The following ZNF736 variants were observed in gnomAD, a reference collection of about 807,000 sequenced individuals.
The protein encoded by ZNF736 is zinc finger protein 736.
A neutral mutation model predicts 11.7 loss-of-function variants in ZNF736; 6 were observed. The ratio of observed to expected loss-of-function variants is 0.51; its 90% CI spans 0.28 to 1.01. The LOEUF is 1.01. Among genes scored for constraint, ZNF736 ranks in the 50% least tolerant of loss-of-function variants. The probability of loss-of-function intolerance (pLI) is 0.09; values close to 1 mark genes in which losing one functional copy is unlikely to be tolerated. For missense variants in ZNF736, 444 were observed against 496.0 expected (o/e 0.90, Z 1.00); for synonymous variants, 139 against 164.7 (o/e 0.84, Z 1.19).
At position 64,339,790 on chromosome 7, in the gene ZNF736, ATTTT is replaced by A. The variant is rs1789311088; in HGVS notation, c.226+2809_226+2812del. ...CAGTGTTTCTTGTAATTCCATATAAATTTTAAGATTGAATTTTCTATTACTTCGA... is the reference window on the plus strand; with the variant it reads ...CAGTGTTTCTTGTAATTCCATATAAAAAGATTGAATTTTCTATTACTTCGA... On this transcript the variant is annotated intron_variant, in intron 3 of 3. Transcript: ENST00000423484. Among the ~76,000 whole-genome samples, 10 of 136,292 alleles carry A rather than the reference ATTTT, an allele frequency of 7.3e-5. 3 individuals are homozygous for A. The highest frequency in any genetic ancestry group is 4.9e-4 in the South Asian group (2 of 4,086). The allele number at this position is 136,292 out of a possible 152,430, so 89.4% of individuals were successfully genotyped here.
intron 3 of ZNF736, among the ~76,000 whole-genome samples, chr7:64,343,914 T>G (rs1789372527): frequency 1.3e-5 from 2 of 152,124 alleles, no homozygotes; most frequent in Non-Finnish European, 2.9e-5. Context: ...TTTGTTTGCC[T>G]GTGTAAATAT....
chr7:64,317,155 A>G (rs1190671851), intron 1 of ZNF736, among the ~76,000 whole-genome samples: 2 of 152,234 alleles, frequency 1.3e-5, no homozygotes, highest in Admixed American at 6.5e-5. Flanking sequence ...TTCCCACCAT[A>G]CATACATATC....
chr7:64,335,228 G>T (rs1789229623), intron 1 of ZNF736, among the ~76,000 whole-genome samples: 1 of 151,912 alleles, frequency 6.6e-6, no homozygotes, highest in African/African-American at 2.4e-5. Flanking sequence ...GTTGATAGGT[G>T]CAGCAATCCA....
chr7:64,321,329 A>T (rs947773765), intron 1 of ZNF736, among the ~76,000 whole-genome samples: 1 of 152,190 alleles, frequency 6.6e-6, no homozygotes, highest in Non-Finnish European at 1.5e-5. Context: ...TATCTTTGGG[A>T]TGAGAGAATT....
intron 3 of ZNF736, among the ~76,000 whole-genome samples, chr7:64,344,694 T>A (rs1789384624): frequency 6.6e-6 from 1 of 152,302 alleles, no homozygotes; most frequent in Admixed American, 6.5e-5. Flanking sequence ...ATTAATTTGG[T>A]AAGGAAAGTT....
chr7:64,327,363 G>A (rs1237440212), intron 1 of ZNF736, among the ~76,000 whole-genome samples: 1 of 152,048 alleles, frequency 6.6e-6, no homozygotes, highest in Non-Finnish European at 1.5e-5. Flanking sequence ...CCATTTGCAT[G>A]AAATATCTTT....
intron 1 of ZNF736, among the ~76,000 whole-genome samples, chr7:64,327,572 C>G (rs1411590734): frequency 6.6e-6 from 1 of 152,104 alleles, no homozygotes; most frequent in African/African-American, 2.4e-5. Flanking sequence ...ACCTGCCATT[C>G]TGTTATCTGC....
chr7:64,324,352 G>A (rs1480374668), intron 1 of ZNF736, among the ~76,000 whole-genome samples: 1 of 152,246 alleles, frequency 6.6e-6, no homozygotes, highest in Middle Eastern at 3.4e-3. Context: ...CCGGGCTGAA[G>A]GGAGACTCCA....
chr7:64,336,421 A>C, intron 2 of ZNF736, 36 bp downstream of exon 2: 1 of 1,521,368 alleles, frequency 6.6e-7, no homozygotes, highest in Non-Finnish European at 8.8e-7. Context: ...CATATTCTAC[A>C]TTAAATATTT....
rs1443758311 is a variant in ZNF736, at chr7:64,349,145, T to G, written c.1282T>G (p.Ter428GluextTer41). The G allele has an allele frequency of 1.3e-6, 2 of 1,521,776 alleles. No individual in the cohort carries two copies. Among genetic ancestry groups the G allele is most frequent in the South Asian group, 2.6e-5 (2 of 78,322 alleles). 94.3% of individuals were successfully genotyped at this position (1,521,776 alleles called of 1,614,324 possible). A position where few individuals can be genotyped will look rare whatever the true frequency, so the allele number is the denominator to read the frequency against. The change falls in exon 4 of 4, where the codon TAA (stop) becomes GAA (glutamate). Residue 428 changes from the stop codon to glutamate, a stop_lost. Transcript: ENST00000423484. ...IHTREKLHKC* is the reference protein window; with the variant it reads ...IHTREKLHKCE ...TACTAGAGAGAAGCTCCACAAGTGTTAAAAATGTGGAAAAGCCTTTACCAA... is the reference window on the plus strand; with the variant it reads ...TACTAGAGAGAAGCTCCACAAGTGTGAAAAATGTGGAAAAGCCTTTACCAA...
intron 1 of ZNF736, among the ~76,000 whole-genome samples, chr7:64,334,605 G>T (rs565437660): frequency 2.0e-5 from 3 of 152,280 alleles, no homozygotes; most frequent in Non-Finnish European, 4.4e-5. Flanking sequence ...TCTCACACCA[G>T]TTAGAATGGC....
At chr7:64,326,656 ATT>A (rs56310784) in intron 1 of ZNF736, among the ~76,000 whole-genome samples, 3 of 151,290 alleles carry the variant, frequency 2.0e-5, no homozygotes, top group Non-Finnish European at 2.9e-5. Context: ...TTATTTGGAG[ATT>A]TTTTTTTTAA....
intron 1 of ZNF736, among the ~76,000 whole-genome samples, chr7:64,329,105 G>T (rs1789122434): frequency 6.6e-6 from 1 of 151,476 alleles, no homozygotes. Context: ...ATTTTTGCTA[G>T]ATTCTTCAAA....
Position 64,314,011 on chromosome 7 carries a change from A to T in ZNF736, c.-140A>T. 1 of 1,201,278 alleles carries T rather than the reference A, an allele frequency of 8.3e-7. No homozygotes were observed. The highest frequency in any genetic ancestry group is 1.2e-6 in the Non-Finnish European group (1 of 837,992). 74.4% of individuals were successfully genotyped at this position (1,201,278 alleles called of 1,614,324 possible). A position where few individuals can be genotyped will look rare whatever the true frequency, so the allele number is the denominator to read the frequency against. On this transcript the variant is annotated 5_prime_UTR_variant, in exon 1 of 4. Coordinates refer to ENST00000423484, the MANE Select transcript of ZNF736 (RefSeq NM_001170905.3). Reference sequence around the variant, plus strand: ...TTTGTCTCCTAGCTTCCGGGCTCTGATCCTAGTTCGCGTCTCCACTGTTCC... The same window carrying T: ...TTTGTCTCCTAGCTTCCGGGCTCTGTTCCTAGTTCGCGTCTCCACTGTTCC...
chr7:64,335,866 G>A (rs1457909779), intron 1 of ZNF736, among the ~76,000 whole-genome samples: 1 of 152,116 alleles, frequency 6.6e-6, no homozygotes, highest in East Asian at 1.9e-4. Flanking sequence ...CAAAATCTAG[G>A]TTTTAACAAG....
intron 1 of ZNF736, among the ~76,000 whole-genome samples, chr7:64,331,553 GCTT>G (rs1789166327): frequency 6.6e-6 from 1 of 152,186 alleles, no homozygotes; most frequent in Non-Finnish European, 1.5e-5. Context: ...TTATGAAGAT[GCTT>G]CTTATTTGGA....
chr7:64,348,276 C>T lies in ZNF736; in HGVS notation c.413C>T (p.Ser138Leu), dbSNP rs1204908772. The change falls in exon 4 of 4, where the codon TCA becomes TTA. Residue 138 changes from serine (S) to leucine (L), a missense_variant. Ser to Leu is a moderately radical substitution (Grantham distance 145). Coordinates refer to ENST00000423484, the MANE Select transcript of ZNF736 (RefSeq NM_001170905.3). ...SSYNGLHQCL[S>L]ATHSKTCQCN... ...TATAATGGCCTTCATCAATGTTTGTCAGCTACCCATAGCAAAACCTGTCAA... is the reference window on the plus strand; with the variant it reads ...TATAATGGCCTTCATCAATGTTTGTTAGCTACCCATAGCAAAACCTGTCAA... 11 of 1,551,802 alleles carry T rather than the reference C, an allele frequency of 7.1e-6. No homozygotes were observed. Among genetic ancestry groups the T allele is most frequent in the African/African-American group, 1.4e-5 (1 of 73,030 alleles).
chr7:64,339,465 G>T (rs549519508), intron 3 of ZNF736, among the ~76,000 whole-genome samples: 2 of 152,144 alleles, frequency 1.3e-5, no homozygotes, highest in Admixed American at 1.3e-4. Flanking sequence ...TTTAAATATT[G>T]TAAGAAAAGT....
intron 1 of ZNF736, among the ~76,000 whole-genome samples, chr7:64,321,668 C>T (rs1789005587): frequency 6.6e-6 from 1 of 152,102 alleles, no homozygotes; most frequent in Admixed American, 6.5e-5. Flanking sequence ...GAGGACTCAC[C>T]CCTTACACTC....
Sources: gnomAD v4.1 joint callset for allele counts (sites outside exome capture counted in the v4.1 genomes callset) on GRCh38, gnomAD v4.1.1 for gene constraint, MANE v1.5 for transcripts, NCBI Gene and HGNC (gene_info 2026-07-23, HGNC 2026-07-21) for gene names.